GRAMD1B: variants seen among roughly 807,000 people sequenced by gnomAD.
The protein encoded by GRAMD1B is GRAM domain containing 1B.
Under a neutral mutation model 99.7 loss-of-function variants are expected in GRAMD1B, and 37 were observed. That is an observed-to-expected ratio of 0.37 (90% CI 0.29 to 0.49). The LOEUF (loss-of-function observed/expected upper bound fraction) is 0.49. Among genes scored for constraint, GRAMD1B ranks in the 20% least tolerant of loss-of-function variants. The pLI, the probability that GRAMD1B is intolerant of heterozygous loss-of-function variation, is 0.98. For synonymous variants in GRAMD1B, 427 were observed against 387.6 expected, an observed-to-expected ratio of 1.10 and a Z score of -1.19; for missense variants, 888 against 1,009.2, an observed-to-expected ratio of 0.88 and a Z score of 1.63.
At chr11:123,403,231 C>T (rs1947729546) in intron 1 of GRAMD1B, among the ~76,000 whole-genome samples, 1 of 151,928 alleles carries the variant, frequency 6.6e-6, no homozygotes, top group African/African-American at 2.4e-5. Flanking sequence ...TTAAGACCAG[C>T]CTGACCAACA....
intron 17 of GRAMD1B, among the ~76,000 whole-genome samples, chr11:123,617,153 T>G (rs181783581): frequency 1.3e-5 from 2 of 151,742 alleles, no homozygotes; most frequent in African/African-American, 4.8e-5. Flanking sequence ...CTCTTTTATC[T>G]GTTTTTCTTT....
intron 1 of GRAMD1B, among the ~76,000 whole-genome samples, chr11:123,471,735 G>T (rs570379685): frequency 1.3e-5 from 2 of 152,284 alleles, no homozygotes; most frequent in African/African-American, 4.8e-5. Flanking sequence ...TGGTGAAGAA[G>T]TAGGGGCATT....
chr11:123,561,358 G>A (rs1592009837), intron 2 of GRAMD1B, among the ~76,000 whole-genome samples: 1 of 152,352 alleles, frequency 6.6e-6, no homozygotes, highest in Non-Finnish European at 1.5e-5. Context: ...CACAGGGAGA[G>A]GGCCATGGGA....
intron 2 of GRAMD1B, among the ~76,000 whole-genome samples, chr11:123,576,812 G>A (rs540196032): frequency 6.6e-6 from 1 of 152,252 alleles, no homozygotes; most frequent in South Asian, 2.1e-4. Context: ...GTCAGGCACT[G>A]GTCTTCATTT....
chr11:123,444,952 A>G (rs1239893222), intron 1 of GRAMD1B, among the ~76,000 whole-genome samples: 1 of 152,130 alleles, frequency 6.6e-6, no homozygotes, highest in African/African-American at 2.4e-5. Flanking sequence ...CAGGGGCTGT[A>G]TCCTAAGTCA....
rs1005749934 is a variant in GRAMD1B, at chr11:123,623,951, A to G, written c.*1356A>G. On this transcript the variant is annotated 3_prime_UTR_variant, in exon 20 of 20. Transcript: ENST00000635736. ...TAAGAAGTAGAAGGCACTAGCTTCA[A>G]AGAGTGAGACATTCAGGGCCTTTTC... is the stretch of plus-strand genomic sequence containing the variant. 1.3e-5 allele frequency: 2 copies of G among 152,368 alleles called. No individual in the cohort carries two copies. The highest frequency in any genetic ancestry group is 3.4e-3 in the Middle Eastern group (1 of 294). The allele number at this position is 152,368 out of a possible 1,614,324, so 9.4% of individuals were successfully genotyped here.
chr11:123,383,712 T>C (rs1946963418), intron 1 of GRAMD1B, among the ~76,000 whole-genome samples: 3 of 151,968 alleles, frequency 2.0e-5, no homozygotes. Flanking sequence ...CACATCTCCC[T>C]GATGTTAACA....
intron 1 of GRAMD1B, among the ~76,000 whole-genome samples, chr11:123,469,623 G>C (rs1245773732): frequency 6.6e-6 from 1 of 152,080 alleles, no homozygotes; most frequent in Non-Finnish European, 1.5e-5. Flanking sequence ...GGACATTTAA[G>C]AGAGCTCTGT....
intron 2 of GRAMD1B, among the ~76,000 whole-genome samples, chr11:123,531,099 T>TA (rs1943324943): frequency 6.6e-6 from 1 of 152,234 alleles, no homozygotes; most frequent in Non-Finnish European, 1.5e-5. Context: ...AACATTCATT[T>TA]GAAACTATTA....
In GRAMD1B at chr11:123,484,943, G is replaced by A. The variant is rs141457142; in HGVS notation, c.452+4050G>A. Among the ~76,000 whole-genome samples the A allele has an allele frequency of 4.5e-3, 683 of 152,246 alleles. 3 individuals carry two copies. Among genetic ancestry groups the A allele is most frequent in the Non-Finnish European group, 8.3e-3 (562 of 68,026 alleles). ...GAGATTGGAACCCTGGGGAGATGTG[G>A]GCAGTGGCGGGCATCTGGCCTGTGC... On this transcript the variant is annotated intron_variant, in intron 2 of 19. Coordinates refer to ENST00000635736, the MANE Select transcript of GRAMD1B (RefSeq NM_001387025.1).
chr11:123,513,582 C>CTTCT (rs1555050133), intron 2 of GRAMD1B, among the ~76,000 whole-genome samples: 2 of 64,028 alleles, frequency 3.1e-5, no homozygotes, highest in Non-Finnish European at 5.8e-5. Flanking sequence ...CCTTCCTTTC[C>CTTCT]TTCCTTCCTT....
chr11:123,515,204 G>A (rs568777346), intron 2 of GRAMD1B, among the ~76,000 whole-genome samples: 5 of 152,268 alleles, frequency 3.3e-5, no homozygotes, highest in Non-Finnish European at 4.4e-5. Flanking sequence ...GATACAAGAC[G>A]TCAGAGTTGG....
At chr11:123,427,025 G>A (rs1363564495), upstream of GRAMD1B, among the ~76,000 whole-genome samples, 1 of 152,166 alleles carries the variant, frequency 6.6e-6, no homozygotes, top group Admixed American at 6.6e-5. Flanking sequence ...GGGAGGCTGG[G>A]TTGTTCTGGT....
chr11:123,542,181 C>A (rs991311355), intron 2 of GRAMD1B, among the ~76,000 whole-genome samples: 2 of 152,088 alleles, frequency 1.3e-5, no homozygotes, highest in Non-Finnish European at 2.9e-5. Context: ...TATAGTGCAC[C>A]GAGTGGCACA....
intron 1 of GRAMD1B, among the ~76,000 whole-genome samples, chr11:123,403,646 C>A (rs1162567280): frequency 6.6e-6 from 1 of 151,594 alleles, no homozygotes; most frequent in African/African-American, 2.4e-5. Flanking sequence ...CGGGTTCAAG[C>A]AGTTCTCCTG....
At chr11:123,465,807 T>C (rs1950632039) in intron 1 of GRAMD1B, among the ~76,000 whole-genome samples, 1 of 150,940 alleles carries the variant, frequency 6.6e-6, no homozygotes, top group Non-Finnish European at 1.5e-5. Flanking sequence ...CTTAGGAATA[T>C]TGTTTGAGGG....
chr11:123,363,984 A>G (rs1302187486), intron 1 of GRAMD1B, among the ~76,000 whole-genome samples: 2 of 152,212 alleles, frequency 1.3e-5, no homozygotes, highest in African/African-American at 2.4e-5. Flanking sequence ...AAGGGGGCCA[A>G]TCAATCGGAC....
chr11:123,623,612 G>A lies in GRAMD1B; in HGVS notation c.*1017G>A, dbSNP rs1464368408. The A allele has an allele frequency of 6.6e-6, 1 of 152,100 alleles. No homozygotes were observed. Among genetic ancestry groups the A allele is most frequent in the Non-Finnish European group, 1.5e-5 (1 of 68,046 alleles). 9.4% of individuals were successfully genotyped at this position (152,100 alleles called of 1,614,324 possible). On this transcript the variant is annotated 3_prime_UTR_variant, in exon 20 of 20. Transcript: ENST00000635736. Reference sequence around the variant, plus strand: ...GCCCTTGCCACGTCCGGGGTGCAGGGTCTACCCACAGAACACTGTGAGTGG... The same window carrying A: ...GCCCTTGCCACGTCCGGGGTGCAGGATCTACCCACAGAACACTGTGAGTGG...
In GRAMD1B at chr11:123,557,904, C is replaced by A. The variant is rs73027975; in HGVS notation, c.453-19463C>A. Among the ~76,000 whole-genome samples the A allele has an allele frequency of 2.0e-5, 3 of 150,116 alleles. No individual in the cohort carries two copies. The East Asian group carries it at 5.9e-4, about 29-fold the overall frequency. On this transcript the variant is annotated intron_variant, in intron 2 of 19. Transcript: ENST00000635736. ...TAGTAAGTGAGTGGGGAAGTTAGGACTAGGACTCTGGCCACTTGATTCCAC... is the reference window on the plus strand; with the variant it reads ...TAGTAAGTGAGTGGGGAAGTTAGGAATAGGACTCTGGCCACTTGATTCCAC...
Sources: gnomAD v4.1 joint callset for allele counts (sites outside exome capture counted in the v4.1 genomes callset) on GRCh38, gnomAD v4.1.1 for gene constraint, MANE v1.5 for transcripts, NCBI Gene and HGNC (gene_info 2026-07-23, HGNC 2026-07-21) for gene names.